XNDC1N: variants seen among roughly 807,000 people sequenced by gnomAD.
XNDC1N encodes the protein protein XNDC1N.
At chr11:71,879,554 A>C in the XNDC1N span, among the ~76,000 whole-genome samples, 1 of 152,272 alleles carries the variant, frequency 6.6e-6, no homozygotes, top group South Asian at 2.1e-4. Context: ...TCCCTTATTT[A>C]TATAATTATA....
At chr11:71,884,730 G>T in the XNDC1N span, 4 of 1,019,968 alleles carry the variant, frequency 3.9e-6, no homozygotes, top group Non-Finnish European at 4.3e-6. Flanking sequence ...TTTCATTTGT[G>T]CATTTTAACA....
chr11:71,908,502 A>G, the XNDC1N span, among the ~76,000 whole-genome samples: 1 of 152,044 alleles, frequency 6.6e-6, no homozygotes, highest in African/African-American at 2.4e-5. Context: ...CTCCTCCCTC[A>G]ACAGCTCGTT....
chr11:71,893,555 C>A, the XNDC1N span: 2 of 917,338 alleles, frequency 2.2e-6, no homozygotes, highest in Non-Finnish European at 3.6e-6. Flanking sequence ...GCTTTGCTGT[C>A]CCTGTCCCTG....
the XNDC1N span, chr11:71,903,481 T>G: frequency 1.3e-6 from 1 of 779,006 alleles, no homozygotes. Context: ...GCAGGCTGCC[T>G]GACTCAGATG....
the XNDC1N span, among the ~76,000 whole-genome samples, chr11:71,886,070 G>A: frequency 6.6e-6 from 1 of 152,090 alleles, no homozygotes; most frequent in Admixed American, 6.5e-5. Flanking sequence ...ACCCAAAAGG[G>A]GACACAAATG....
chr11:71,917,556 T>C, the XNDC1N span: 1 of 703,722 alleles, frequency 1.4e-6, no homozygotes. Flanking sequence ...CACAGTCCTC[T>C]TTAGTACTGC....
chr11:71,887,297 A>G, the XNDC1N span, among the ~76,000 whole-genome samples: 2 of 152,348 alleles, frequency 1.3e-5, no homozygotes, highest in South Asian at 2.1e-4. Flanking sequence ...GTAGGAGGAT[A>G]TAAAGTCATT....
the XNDC1N span, among the ~76,000 whole-genome samples, chr11:71,885,806 ATAT>A: frequency 6.6e-6 from 1 of 151,892 alleles, no homozygotes; most frequent in Non-Finnish European, 1.5e-5. Context: ...TTAGGAGCTA[ATAT>A]TACTGTTTTC....
chr11:71,900,257 G>A, the XNDC1N span, among the ~76,000 whole-genome samples: 1 of 152,196 alleles, frequency 6.6e-6, no homozygotes, highest in Non-Finnish European at 1.5e-5. Flanking sequence ...GGTATGCTGA[G>A]CGCCGGTCCC....
At chr11:71,878,722 C>T in the XNDC1N span, among the ~76,000 whole-genome samples, 11 of 151,930 alleles carry the variant, frequency 7.2e-5, no homozygotes, top group African/African-American at 2.7e-4. Context: ...AGGCCAGGCA[C>T]AGTGGCTCAT....
the XNDC1N span, among the ~76,000 whole-genome samples, chr11:71,871,487 A>G: frequency 1.3e-5 from 2 of 152,202 alleles, no homozygotes. Flanking sequence ...TAAAAAATGT[A>G]TTATACATTT....
chr11:71,922,839 TCAC>T, the XNDC1N span, among the ~76,000 whole-genome samples: 117 of 152,258 alleles, frequency 7.7e-4, no homozygotes, highest in African/African-American at 2.6e-3. Context: ...TCCCTCAGAA[TCAC>T]CACATCAGAT....
chr11:71,900,261 C>T, the XNDC1N span, among the ~76,000 whole-genome samples: 105 of 152,290 alleles, frequency 6.9e-4, no homozygotes, highest in Non-Finnish European at 1.2e-3. Context: ...TGCTGAGCGC[C>T]GGTCCCCTGG....
At chr11:71,889,268 A>G in the XNDC1N span, among the ~76,000 whole-genome samples, 2 of 152,254 alleles carry the variant, frequency 1.3e-5, no homozygotes, top group African/African-American at 2.4e-5. Flanking sequence ...AATATCAACA[A>G]GAAATCTTGC....
chr11:71,869,102 G>A, the XNDC1N span, among the ~76,000 whole-genome samples: 7 of 151,808 alleles, frequency 4.6e-5, no homozygotes, highest in Non-Finnish European at 7.4e-5. Flanking sequence ...TGCACAATGC[G>A]CAGGTTTGTT....
At chr11:71,919,066 G>A in the XNDC1N span, 153 of 698,440 alleles carry the variant, frequency 2.2e-4, 1 homozygote, top group African/African-American at 4.5e-4. Context: ...ATCTCACTGC[G>A]CCCAAGGGAA....
chr11:71,875,949 C>T, the XNDC1N span, among the ~76,000 whole-genome samples: 5 of 152,122 alleles, frequency 3.3e-5, no homozygotes, highest in Admixed American at 6.6e-5. Flanking sequence ...TCACTTGAAC[C>T]TGGAGGTGGA....
At chr11:71,875,156 A>G in the XNDC1N span, among the ~76,000 whole-genome samples, 1 of 152,346 alleles carries the variant, frequency 6.6e-6, no homozygotes, top group East Asian at 1.9e-4. Context: ...AATATCCATA[A>G]TATGGAATAT....
At chr11:71,892,866 G>T in the XNDC1N span, among the ~76,000 whole-genome samples, 9 of 152,238 alleles carry the variant, frequency 5.9e-5, no homozygotes, top group South Asian at 1.7e-3. Flanking sequence ...TCCCATTTTT[G>T]AGTGTGCATG....
Sources: gnomAD v4.1 joint callset for allele counts (sites outside exome capture counted in the v4.1 genomes callset) on GRCh38, gnomAD v4.1.1 for gene constraint, MANE v1.5 for transcripts, NCBI Gene and HGNC (gene_info 2026-07-23, HGNC 2026-07-21) for gene names.